The following ZZEF1 variants were observed in gnomAD, a reference collection of about 807,000 sequenced individuals.
The protein encoded by ZZEF1 is zinc finger ZZ-type and EF-hand domain containing 1.
A neutral mutation model predicts 342.8 loss-of-function variants in ZZEF1; 157 were observed. The observed-to-expected ratio is 0.46, with a 90% CI of 0.40 to 0.52. The LOEUF (loss-of-function observed/expected upper bound fraction) is 0.52. Among genes scored for constraint, ZZEF1 ranks in the 20% least tolerant of loss-of-function variants. ZZEF1 has a pLI of 0.00. For synonymous variants in ZZEF1, 1,505 were observed against 1,429.1 expected, an observed-to-expected ratio of 1.05 and a Z score of -1.20; for missense variants, 3,480 against 3,725.6, an observed-to-expected ratio of 0.93 and a Z score of 1.72.
chr17:4,104,944 T>A, intron 7 of ZZEF1, 133 bp from the exon 8 acceptor site: 1 of 753,458 alleles, frequency 1.3e-6, no homozygotes. Flanking sequence ...TCCGAAATAT[T>A]TTTCAAAATC....
At position 4,090,817 on chromosome 17, in the gene ZZEF1, A is replaced by G. The variant is rs748288260; in HGVS notation, c.1927T>C (p.Ser643Pro). 2 of 1,613,898 alleles carry G rather than the reference A, an allele frequency of 1.2e-6. No homozygotes were observed. The highest frequency in any genetic ancestry group is 1.3e-5 in the African/African-American group (1 of 75,054). Residue 643 changes from serine to proline, a missense_variant, in exon 12 of 55, where the codon TCT becomes CCT. Around this residue, in one of 5 missense-constraint regions of ZZEF1, gnomAD observed 1,528 missense variants for 1,624.1 expected, o/e 0.94. Transcript: ENST00000381638. ...GGATCATCCTCTCCAAGGTCATCAG[A>G]TGAGCAACCAATCCTGTAAAGACAA... Reference protein sequence around the residue: ...QFVKSRIGCSSDDLGEDDPIG... With the variant: ...QFVKSRIGCSPDDLGEDDPIG...
chr17:4,140,804 C>T (rs773200529), intron 1 of ZZEF1, among the ~76,000 whole-genome samples: 1 of 152,138 alleles, frequency 6.6e-6, no homozygotes. Flanking sequence ...CATGGTTCTT[C>T]CCACTACTAC....
rs1250337418 is a variant in ZZEF1, at chr17:4,064,610, C to T, written c.4469G>A (p.Gly1490Asp). 22 of 1,613,980 alleles carry T rather than the reference C, an allele frequency of 1.4e-5. No homozygotes were observed. Among genetic ancestry groups the T allele is most frequent in the Non-Finnish European group, 1.8e-5 (21 of 1,180,014 alleles). Residue 1490 changes from glycine to aspartate, a missense_variant, in exon 29 of 55, where the codon GGC (glycine) becomes GAC (aspartate). By Grantham distance (94) the Gly-to-Asp change is moderately conservative (BLOSUM62 -1). This residue lies in a region of ZZEF1 where 1,528 missense variants were observed against 1,624.1 expected (regional missense o/e 0.94). Coordinates refer to ENST00000381638, the MANE Select transcript of ZZEF1 (RefSeq NM_015113.4). ...APPATGDQSP[G>D]LGTQPKLPSS... ...TGGCAGCTTTGGCTGGGTGCCCAGG[C>T]CAGGACTCTGGTCTCCTGTGGCAGG... is the stretch of plus-strand genomic sequence containing the variant.
chr17:4,105,831 T>C (rs372273595), intron 6 of ZZEF1, 22 bp from the exon 7 acceptor site: 32 of 1,582,540 alleles, frequency 2.0e-5, no homozygotes, highest in Non-Finnish European at 2.7e-5. Context: ...AAATGTAAAA[T>C]GTAATCAGAA....
At chr17:4,019,618 T>C in intron 46 of ZZEF1, 51 bp downstream of exon 46, 2 of 1,538,736 alleles carry the variant, frequency 1.3e-6, no homozygotes, top group Non-Finnish European at 1.8e-6. Context: ...CCTCCCGCCC[T>C]CACATATTCT....
chr17:4,058,782 G>A (rs1374423223), intron 31 of ZZEF1, among the ~76,000 whole-genome samples: 1 of 152,190 alleles, frequency 6.6e-6, no homozygotes, highest in African/African-American at 2.4e-5. Flanking sequence ...AAGCTGAGGT[G>A]AGTAGATCAA....
Position 4,062,877 on chromosome 17 carries a change from T to C in ZZEF1, c.4759A>G (p.Ser1587Gly), listed in dbSNP as rs1276046932. The change falls in exon 30 of 55, where the codon AGC (serine) becomes GGC (glycine). Residue 1587 changes from serine to glycine, a missense_variant. Physicochemically the swap from Ser to Gly is moderately conservative, Grantham distance 56 (BLOSUM62 0). Coordinates refer to ENST00000381638, the MANE Select transcript of ZZEF1 (RefSeq NM_015113.4). ...VLSLRKAQAQ[S>G]ILEVLKITQH... Reference sequence around the variant, plus strand: ...GTTATCTTCAGGACTTCCAGGATGCTCTGGGCCTGGGCTTTCCTCAGGGAA... The same window carrying C: ...GTTATCTTCAGGACTTCCAGGATGCCCTGGGCCTGGGCTTTCCTCAGGGAA... 1.2e-6 allele frequency: 2 copies of C among 1,613,056 alleles called. No homozygotes were observed. Among genetic ancestry groups the C allele is most frequent in the Non-Finnish European group, 1.7e-6 (2 of 1,179,694 alleles).
intron 12 of ZZEF1, 54 bp downstream of exon 12, chr17:4,090,665 C>CA (rs2057924650): frequency 1.4e-6 from 2 of 1,456,762 alleles, no homozygotes; most frequent in African/African-American, 1.4e-5. Flanking sequence ...AATCACTACT[C>CA]AAAAAACACA....
chr17:4,042,713 ACT>A, intron 38 of ZZEF1, 145 bp from the exon 39 acceptor site: 3 of 897,650 alleles, frequency 3.3e-6, no homozygotes, highest in Non-Finnish European at 4.8e-6. Flanking sequence ...AGGGAGTCTC[ACT>A]CTGTTGCCCA....
intron 8 of ZZEF1, among the ~76,000 whole-genome samples, chr17:4,102,886 CA>C (rs199885754): frequency 1.9e-4 from 28 of 148,630 alleles, no homozygotes; most frequent in Non-Finnish European, 2.4e-4. Flanking sequence ...TTGGCTTTGG[CA>C]AAAAAAAATA....
chr17:4,137,571 C>T (rs1044486131), intron 1 of ZZEF1, among the ~76,000 whole-genome samples: 2 of 152,160 alleles, frequency 1.3e-5, no homozygotes, highest in Non-Finnish European at 2.9e-5. Flanking sequence ...AAGATTGTGC[C>T]ACTGCACTCC....
chr17:4,116,042 C>A (rs1382892516), intron 3 of ZZEF1, among the ~76,000 whole-genome samples: 2 of 152,028 alleles, frequency 1.3e-5, no homozygotes, highest in Non-Finnish European at 2.9e-5. Context: ...CTAGTTTCAG[C>A]TGGGTGGTGG....
chr17:4,085,955 A>AT, intron 15 of ZZEF1, 152 bp from the exon 16 acceptor site: 1 of 962,982 alleles, frequency 1.0e-6, no homozygotes, highest in Non-Finnish European at 1.5e-6. Flanking sequence ...GTATAAAAAA[A>AT]TATTTTTTAT....
chr17:4,072,645 G>T lies in ZZEF1; in HGVS notation c.3797C>A (p.Ala1266Glu), dbSNP rs754423354. The change falls in exon 25 of 55, where the codon GCA (alanine) becomes GAA (glutamate). Residue 1266 changes from alanine (A) to glutamate (E), a missense_variant. Transcript: ENST00000381638. ...HQVCPELELE[A>E]SWPTHPHRNS... ...CCGGTGTGGGTGAGTGGGCCAGCTT[G>T]CTTCTAATTCCAACTCTGGACAAAC... 3.1e-6 allele frequency: 5 copies of T among 1,613,964 alleles called. No homozygotes were observed. Among genetic ancestry groups the T allele is most frequent in the Non-Finnish European group, 4.2e-6 (5 of 1,179,882 alleles).
At chr17:4,091,083 T>C (rs930141441) in intron 11 of ZZEF1, among the ~76,000 whole-genome samples, 5 of 152,252 alleles carry the variant, frequency 3.3e-5, no homozygotes, top group African/African-American at 9.6e-5. Context: ...GCTTCTCTAA[T>C]TGGCTCATCT....
At chr17:4,067,578 G>C (rs1407688329) in intron 26 of ZZEF1, among the ~76,000 whole-genome samples, 1 of 152,082 alleles carries the variant, frequency 6.6e-6, no homozygotes, top group Non-Finnish European at 1.5e-5. Context: ...TATTGATATG[G>C]AAGAAAGTTC....
At chr17:4,077,740 A>T in intron 19 of ZZEF1, 143 bp downstream of exon 19, 1 of 869,964 alleles carries the variant, frequency 1.1e-6, no homozygotes, top group Non-Finnish European at 1.7e-6. Flanking sequence ...ATTCTATTTT[A>T]ATTAGACCAA....
chr17:4,044,683 T>C (rs2056875093), intron 37 of ZZEF1, among the ~76,000 whole-genome samples: 1 of 151,956 alleles, frequency 6.6e-6, no homozygotes, highest in African/African-American at 2.4e-5. Context: ...CATGCCCAGC[T>C]AATTTTTGTA....
intron 39 of ZZEF1, among the ~76,000 whole-genome samples, chr17:4,037,915 A>G (rs1173010657): frequency 1.3e-5 from 2 of 152,172 alleles, no homozygotes; most frequent in Non-Finnish European, 2.9e-5. Flanking sequence ...GCCATAAAAG[A>G]CACTTTTGGA....
Sources: gnomAD v4.1 joint callset for allele counts (sites outside exome capture counted in the v4.1 genomes callset) on GRCh38, gnomAD v4.1.1 for gene constraint, gnomAD v4.1.1 regional missense constraint, MANE v1.5 for transcripts, NCBI Gene and HGNC (gene_info 2026-07-23, HGNC 2026-07-21) for gene names.